RAB40B: variants seen among roughly 807,000 people sequenced by gnomAD.
The protein encoded by RAB40B is ras-related protein Rab-40B.
Under a neutral mutation model 24.0 loss-of-function variants are expected in RAB40B, and 21 were observed. That is an observed-to-expected ratio of 0.88 (90% CI 0.62 to 1.26). The LOEUF (loss-of-function observed/expected upper bound fraction) is 1.26. Ranked by LOEUF, RAB40B falls within the 50% of genes most tolerant of loss-of-function variation. The pLI, the probability that RAB40B is intolerant of heterozygous loss-of-function variation, is 0.00. For missense variants in RAB40B, 348 were observed against 390.5 expected (o/e 0.89, Z 0.92); for synonymous variants, 167 against 169.8 (o/e 0.98, Z 0.13).
intron 1 of RAB40B, among the ~76,000 whole-genome samples, chr17:82,668,659 C>T (rs568830501): frequency 3.3e-5 from 5 of 152,254 alleles, no homozygotes; most frequent in South Asian, 2.1e-4. Flanking sequence ...ACGACTGGAG[C>T]GGGCGTGGGG....
At position 82,657,772 on chromosome 17, in the gene RAB40B, G is replaced by A. The variant is rs146244829; in HGVS notation, c.*91C>T. 9,434 of 1,446,466 alleles carry A rather than the reference G, an allele frequency of 6.5e-3. 54 individuals are homozygous for A. Among genetic ancestry groups the A allele is most frequent in the Middle Eastern group, 0.011 (64 of 5,740 alleles). The allele number at this position is 1,446,466 out of a possible 1,614,324, so 89.6% of individuals were successfully genotyped here. A position where few individuals can be genotyped will look rare whatever the true frequency, so the allele number is the denominator to read the frequency against. The stretch of plus-strand genomic sequence containing the variant: ...ATTCGCAAGCAGCATTCGCCGAGAG[G>A]AACCGGGATCTGAGATGCATCCACC... On this transcript the variant is annotated 3_prime_UTR_variant, in exon 6 of 6. Transcript: ENST00000571995.
intron 3 of RAB40B, among the ~76,000 whole-genome samples, chr17:82,660,083 C>T (rs55957216): frequency 0.048 from 7,200 of 151,468 alleles, 262 homozygotes; most frequent in Admixed American, 0.073. Context: ...CATACACACA[C>T]GCAGGCACTC....
rs766126527 is a variant in RAB40B, at chr17:82,667,690, AAC to A, written c.143-3136_143-3135del. ...CGCCACCAGGTAGATTAGACCAAGC[AAC>A]ACCAGAGCAAACTCCCCCCGTCAGA... On this transcript the variant is annotated intron_variant, in intron 1 of 5. Coordinates refer to ENST00000571995, the MANE Select transcript of RAB40B (RefSeq NM_006822.3). The surrounding 1 kb of genome is among the most constrained non-coding windows in gnomAD (Gnocchi z 4.3). Among the ~76,000 whole-genome samples the A allele has an allele frequency of 6.6e-6, 1 of 152,154 alleles. No individual in the cohort carries two copies. Among genetic ancestry groups the A allele is most frequent in the Non-Finnish European group, 1.5e-5 (1 of 68,024 alleles).
At chr17:82,687,793 C>T (rs2046516768) in intron 1 of RAB40B, among the ~76,000 whole-genome samples, 1 of 152,224 alleles carries the variant, frequency 6.6e-6, no homozygotes, top group Admixed American at 6.5e-5. Context: ...CGCCCCCAGC[C>T]AGGCGCGGTG....
In RAB40B at chr17:82,664,404, T is replaced by A. The variant is rs572893566; in HGVS notation, c.203+92A>T. 8.7e-6 allele frequency: 11 copies of A among 1,265,204 alleles called. No individual in the cohort carries two copies. The African/African-American group carries it at 1.7e-4, about 19-fold the overall frequency. The allele number at this position is 1,265,204 out of a possible 1,614,324, so 78.4% of individuals were successfully genotyped here. A position where few individuals can be genotyped will look rare whatever the true frequency, so the allele number is the denominator to read the frequency against. Reference sequence around the variant, plus strand: ...GCCGATGGTGGTGGGGGATGGGTGCTCCCCGGGGCACTGTGCTGACAGGGG... The same window carrying A: ...GCCGATGGTGGTGGGGGATGGGTGCACCCCGGGGCACTGTGCTGACAGGGG... On this transcript the variant is annotated intron_variant, in intron 2 of 5. Transcript: ENST00000571995.
At chr17:82,674,782 C>T (rs1309214878) in intron 1 of RAB40B, among the ~76,000 whole-genome samples, 10 of 152,126 alleles carry the variant, frequency 6.6e-5, no homozygotes, top group Admixed American at 1.3e-4. Context: ...GAGTTGCTGC[C>T]GGCCAGCTTC....
At chr17:82,659,102 C>G (rs974648043) in intron 4 of RAB40B, 3 of 257,002 alleles carry the variant, frequency 1.2e-5, no homozygotes, top group Non-Finnish European at 2.3e-5. Context: ...GCTCTGGCCT[C>G]CAGAACCGTG....
chr17:82,698,012 C>T (rs1349152194), intron 1 of RAB40B, among the ~76,000 whole-genome samples: 1 of 151,630 alleles, frequency 6.6e-6, no homozygotes, highest in Non-Finnish European at 1.5e-5. Context: ...CCGGAGCTCG[C>T]GTCCCCTCCC....
Position 82,661,190 on chromosome 17 carries a change from CT to C in RAB40B, c.204-144del, listed in dbSNP as rs1293028636. On this transcript the variant is annotated intron_variant, in intron 2 of 5. Coordinates refer to ENST00000571995, the MANE Select transcript of RAB40B (RefSeq NM_006822.3). ...CCGCCAGCGTGAGACCCCAACAAAA[CT>C]TTCCAATGTCCCTGAAGGGATCCGG... 5.5e-6 allele frequency: 8 copies of C among 1,459,758 alleles called. No individual in the cohort carries two copies. The East Asian group carries it at 2.0e-4, about 37-fold the overall frequency. The allele number at this position is 1,459,758 out of a possible 1,614,324, so 90.4% of individuals were successfully genotyped here. A position where few individuals can be genotyped will look rare whatever the true frequency, so the allele number is the denominator to read the frequency against.
intron 2 of RAB40B, chr17:82,662,741 C>T (rs2143460113): frequency 1.0e-6 from 1 of 985,384 alleles, no homozygotes; most frequent in African/African-American, 1.7e-5. Context: ...TGGGATCTCA[C>T]TCCTGAGGTG....
chr17:82,676,053 A>C (rs2046390674), intron 1 of RAB40B, among the ~76,000 whole-genome samples: 1 of 152,096 alleles, frequency 6.6e-6, no homozygotes, highest in Non-Finnish European at 1.5e-5. Context: ...ATCCAGTCCC[A>C]ACACCAATGT....
rs573016521 is a variant in RAB40B at position 82,678,824 on chromosome 17, A to G, written c.143-14268T>C. Among the ~76,000 whole-genome samples the G allele has an allele frequency of 4.0e-5, 6 of 150,774 alleles. No homozygotes were observed. The South Asian group carries it at 1.3e-3, about 32-fold the overall frequency. On this transcript the variant is annotated intron_variant, in intron 1 of 5. Transcript: ENST00000571995. ...CGCCGCTTTACACCTGCACCGTAAA[A>G]TGCTCACATCTGACTTTAAGTGTGT...
At chr17:82,695,340 C>T (rs762834125) in intron 1 of RAB40B, among the ~76,000 whole-genome samples, 6 of 150,744 alleles carry the variant, frequency 4.0e-5, no homozygotes, top group South Asian at 4.2e-4. Flanking sequence ...TACAGGCACG[C>T]GGCACCACGC....
Position 82,673,128 on chromosome 17 carries a change from C to T in RAB40B, c.143-8572G>A, listed in dbSNP as rs547740705. On this transcript the variant is annotated intron_variant, in intron 1 of 5. Transcript: ENST00000571995. ...CTGAGGCAGGAGAATCGCTTGAACC[C>T]GGCAGGCGGAGGTTGCAGTGAGCTG... Among the ~76,000 whole-genome samples the T allele has an allele frequency of 2.6e-5, 4 of 152,200 alleles. No individual in the cohort carries two copies. The East Asian group carries it at 5.8e-4, about 22-fold the overall frequency.
chr17:82,696,774 T>C, intron 1 of RAB40B: 4 of 152,200 alleles, frequency 2.6e-5, no homozygotes, highest in African/African-American at 1.0e-4. Flanking sequence ...AGGCGCTCAA[T>C]CTCCAGCCCT....
intron 1 of RAB40B, among the ~76,000 whole-genome samples, chr17:82,695,559 AC>A (rs1300463078): frequency 1.3e-5 from 2 of 149,800 alleles, no homozygotes; most frequent in South Asian, 2.1e-4. Context: ...AAAAAAAAAA[AC>A]ATGGCCAGGT....
intron 1 of RAB40B, among the ~76,000 whole-genome samples, chr17:82,666,761 C>T (rs1440176676): frequency 6.6e-6 from 1 of 152,124 alleles, no homozygotes; most frequent in Admixed American, 6.6e-5. Flanking sequence ...GGTACAATGA[C>T]ACGTACAATC....
At position 82,697,657 on chromosome 17, in the gene RAB40B, C is replaced by T. The variant is rs1161131485; in HGVS notation, c.142+798G>A. 6.6e-6 allele frequency among the ~76,000 whole-genome samples: 1 copy of T among 152,248 alleles called. No individual in the cohort carries two copies. Among genetic ancestry groups the T allele is most frequent in the Non-Finnish European group, 1.5e-5 (1 of 68,038 alleles). On this transcript the variant is annotated intron_variant, in intron 1 of 5. Transcript: ENST00000571995. This position sits in a 1 kb window ranked among gnomAD's most constrained non-coding sequence, Gnocchi z 4.9. ...CCTCACTCCCAGCCGAGGTGTTCGC[C>T]TCTGCGCGTTCCCCCTTCTCCTGGG... is the stretch of plus-strand genomic sequence containing the variant.
rs1423968254 is a variant in RAB40B at position 82,667,043 on chromosome 17, C to T, written c.143-2487G>A. ...TCGCACCAGACCTCACCCTGGAGAC[C>T]GTCGTGGAGCACACGGCCTCTGCAG... On this transcript the variant is annotated intron_variant, in intron 1 of 5. Transcript: ENST00000571995. This position sits in a 1 kb window ranked among gnomAD's most constrained non-coding sequence, Gnocchi z 4.3. Among the ~76,000 whole-genome samples, 2 of 152,246 alleles carry T rather than the reference C, an allele frequency of 1.3e-5. No homozygotes were observed. Among genetic ancestry groups the T allele is most frequent in the East Asian group, 1.9e-4 (1 of 5,202 alleles).
Sources: gnomAD v4.1 joint callset for allele counts (sites outside exome capture counted in the v4.1 genomes callset) on GRCh38, gnomAD v4.1.1 for gene constraint, Gnocchi (gnomAD v3.1) non-coding constraint, MANE v1.5 for transcripts, NCBI Gene and HGNC (gene_info 2026-07-23, HGNC 2026-07-21) for gene names.